Variants in SF3B1 observed in about 807,000 individuals in gnomAD.
SF3B1 encodes splicing factor 3b subunit 1.
A neutral mutation model predicts 153.8 loss-of-function variants in SF3B1; 12 were observed. That is an observed-to-expected ratio of 0.08 (90% CI 0.05 to 0.13). The LOEUF is 0.13. Among genes scored for constraint, SF3B1 ranks in the 10% least tolerant of loss-of-function variants. The pLI is 1.00. For synonymous variants in SF3B1, 498 were observed against 525.2 expected, an observed-to-expected ratio of 0.95 and a Z score of 0.71; for missense variants, 513 against 1,606.1, an observed-to-expected ratio of 0.32 and a Z score of 11.63.
At position 197,393,007 on chromosome 2, in the gene SF3B1, T is replaced by C. The variant is rs769195785; in HGVS notation, c.3721A>G (p.Ile1241Val). Residue 1241 changes from isoleucine to valine, a missense_variant, in exon 24 of 25, where the codon ATT becomes GTT. Around this residue, in one of 21 missense-constraint regions of SF3B1, gnomAD observed 27 missense variants for 126.1 expected, o/e 0.21. Coordinates refer to ENST00000335508, the MANE Select transcript of SF3B1 (RefSeq NM_012433.4). ...MGALEGLRVA[I>V]GPCRMLQYCL... ...TATTGCAACATTCTACATGGTCCAA[T>C]AGCAACTCTCAGGCCCTCTAGGGCT... 7 of 1,612,888 alleles carry C rather than the reference T, an allele frequency of 4.3e-6. No homozygotes were observed. In the South Asian group the frequency reaches 5.5e-5, roughly 13 times the overall value.
intron 23 of SF3B1, among the ~76,000 whole-genome samples, chr2:197,395,234 C>A (rs1253468055): frequency 6.6e-6 from 1 of 152,200 alleles, no homozygotes; most frequent in African/African-American, 2.4e-5. Context: ...GTGATTTACC[C>A]TCATTTTTTT....
intron 8 of SF3B1, 111 bp downstream of exon 8, chr2:197,408,258 T>A: frequency 6.3e-6 from 8 of 1,262,418 alleles, no homozygotes; most frequent in Non-Finnish European, 8.8e-6. Context: ...AATTTGTATA[T>A]CTCCTTATTC....
chr2:197,425,828 T>C (rs2085326894), intron 1 of SF3B1, among the ~76,000 whole-genome samples: 1 of 151,934 alleles, frequency 6.6e-6, no homozygotes, highest in Non-Finnish European at 1.5e-5. Context: ...GGCAAAACCC[T>C]ATCTCTACAA....
intron 4 of SF3B1, 33 bp from the exon 5 acceptor site, chr2:197,418,621 A>C: frequency 1.3e-6 from 2 of 1,594,464 alleles, no homozygotes; most frequent in Non-Finnish European, 1.7e-6. Context: ...GAAAAAGAGT[A>C]CAATAAATAA....
intron 6 of SF3B1, among the ~76,000 whole-genome samples, chr2:197,412,775 G>A (rs1027202703): frequency 4.4e-4 from 66 of 150,054 alleles, no homozygotes; most frequent in African/African-American, 1.5e-3. Flanking sequence ...ACCTGAGGTT[G>A]GGAGTTTGAC....
At position 197,405,430 on chromosome 2, in the gene SF3B1, C is replaced by T; in HGVS notation, c.1282G>A (p.Ala428Thr). The T allele has an allele frequency of 1.9e-6, 3 of 1,613,852 alleles. No homozygotes were observed. The highest frequency in any genetic ancestry group is 1.7e-6 in the Non-Finnish European group (2 of 1,179,898). Residue 428 changes from alanine to threonine, a missense_variant, in exon 10 of 25, where the codon GCT becomes ACT. Coordinates refer to ENST00000335508, the MANE Select transcript of SF3B1 (RefSeq NM_012433.4). Reference sequence around the variant, plus strand: ...GTTGGAGTAGCTGTCAGCTTTCGAGCTGGAGTTCGAATAGGAACATAACCA... The same window carrying T: ...GTTGGAGTAGCTGTCAGCTTTCGAGTTGGAGTTCGAATAGGAACATAACCA... ...PAGYVPIRTP[A>T]RKLTATPTPL...
At chr2:197,416,668 C>A in intron 6 of SF3B1, 73 bp downstream of exon 6, 2 of 1,331,932 alleles carry the variant, frequency 1.5e-6, no homozygotes, top group Non-Finnish European at 2.1e-6. Context: ...CTATGGCAAC[C>A]CAAGCAGACT....
intron 7 of SF3B1, among the ~76,000 whole-genome samples, chr2:197,408,848 G>C (rs1252594781): frequency 6.6e-6 from 1 of 151,978 alleles, no homozygotes; most frequent in African/African-American, 2.4e-5. Context: ...ACTTGAACTG[G>C]GGAGGCAGAG....
Position 197,392,122 on chromosome 2 carries a change from AT to A in SF3B1, c.*180del, listed in dbSNP as rs2084815642. ...CACTGTGTTCTTGGTCACTACTGGCATTTACTGTTTAACATCAAAAACAAAG... is the reference window on the plus strand; with the variant it reads ...CACTGTGTTCTTGGTCACTACTGGCATTACTGTTTAACATCAAAAACAAAG... On this transcript the variant is annotated 3_prime_UTR_variant, in exon 25 of 25. Transcript: ENST00000335508. 6.8e-6 allele frequency: 3 copies of A among 438,030 alleles called. No individual in the cohort carries two copies. Among genetic ancestry groups the A allele is most frequent in the African/African-American group, 6.0e-5 (3 of 49,806 alleles). The allele number at this position is 438,030 out of a possible 1,614,324, so 27.1% of individuals were successfully genotyped here.
intron 9 of SF3B1, among the ~76,000 whole-genome samples, chr2:197,406,563 A>AAGGACGTTGCTTATTAGT (rs1262702520): frequency 6.6e-6 from 1 of 152,166 alleles, no homozygotes; most frequent in Admixed American, 6.6e-5. Flanking sequence ...ATTCACTAGT[A>AAGGACGTTGCTTATTAGT]AGGACGTTGC....
chr2:197,427,459 T>C (rs1467378250), intron 1 of SF3B1, among the ~76,000 whole-genome samples: 1 of 152,230 alleles, frequency 6.6e-6, no homozygotes, highest in Non-Finnish European at 1.5e-5. Context: ...CAGCTTATTA[T>C]GCAATTCAGA....
At chr2:197,429,384 TG>T (rs1403583326) in intron 1 of SF3B1, among the ~76,000 whole-genome samples, 1 of 152,216 alleles carries the variant, frequency 6.6e-6, no homozygotes, top group Non-Finnish European at 1.5e-5. Flanking sequence ...TACTACAGTG[TG>T]TTTATCCATT....
intron 1 of SF3B1, among the ~76,000 whole-genome samples, chr2:197,427,410 G>A (rs961912862): frequency 1.2e-4 from 18 of 152,250 alleles, no homozygotes; most frequent in Admixed American, 9.8e-4. Context: ...TACACCATGT[G>A]ATCCATAAAA....
intron 22 of SF3B1, 70 bp from the exon 23 acceptor site, chr2:197,396,398 T>C: frequency 6.0e-6 from 8 of 1,335,026 alleles, no homozygotes; most frequent in Non-Finnish European, 8.3e-6. Context: ...AAAAAATGCA[T>C]AAAGATGAAA....
Position 197,405,063 on chromosome 2 carries a change from A to C in SF3B1, c.1539+13T>G, listed in dbSNP as rs1463706941. 3 of 1,521,266 alleles carry C rather than the reference A, an allele frequency of 2.0e-6. No individual in the cohort carries two copies. Among genetic ancestry groups the C allele is most frequent in the African/African-American group, 1.4e-5 (1 of 71,734 alleles). 94.2% of individuals were successfully genotyped at this position (1,521,266 alleles called of 1,614,324 possible). ...AAGCAACAAACATGACAATTTAACA[A>C]ACTGGGACTTACCTTTCTCATTGGT... On this transcript the variant is annotated intron_variant, in intron 11 of 24. Transcript: ENST00000335508.
At position 197,392,411 on chromosome 2, in the gene SF3B1, G is replaced by A. The variant is rs2105973734; in HGVS notation, c.3807C>T (p.Tyr1269=). The change falls in exon 25 of 25, where the codon TAC becomes TAT. Residue 1269 remains tyrosine (Y), a synonymous_variant. Coordinates refer to ENST00000335508, the MANE Select transcript of SF3B1 (RefSeq NM_012433.4). ...RKVRDVYWKI[Y]NSIYIGSQDA... is the part of the protein sequence containing the mutation. ...CCTGGGAACCAATGTAGATGGAGTT[G>A]TAAATTTTCCAATATACATCTCTGA... 1 of 1,612,728 alleles carries A rather than the reference G, an allele frequency of 6.2e-7. No individual in the cohort carries two copies. Among genetic ancestry groups the A allele is most frequent in the Admixed American group, 1.7e-5 (1 of 59,956 alleles).
chr2:197,399,109 T>C (rs1482116962), intron 20 of SF3B1: 1 of 1,281,256 alleles, frequency 7.8e-7, no homozygotes, highest in African/African-American at 1.5e-5. Context: ...GCTCTGATTC[T>C]CTCTCCATTG....
chr2:197,410,023 A>G lies in SF3B1; in HGVS notation c.667-16T>C, dbSNP rs758328669. The G allele has an allele frequency of 1.3e-6, 2 of 1,544,740 alleles. No homozygotes were observed. Among genetic ancestry groups the G allele is most frequent in the Non-Finnish European group, 1.8e-6 (2 of 1,130,636 alleles). On this transcript the variant is annotated splice_polypyrimidine_tract_variant and intron_variant, in intron 6 of 24. Transcript: ENST00000335508. The stretch of plus-strand genomic sequence containing the variant: ...GCCCAGGGGTCTTAAAAAAGCAAAA[A>G]AATTTTATTTCACACACCCACACAG...
chr2:197,424,493 CA>C (rs11344645), intron 1 of SF3B1, among the ~76,000 whole-genome samples: 35,647 of 105,110 alleles, frequency 0.34, 4,898 homozygotes, highest in African/African-American at 0.49. Flanking sequence ...CTCTATCTCT[CA>C]AAAAAAAAAA....
Sources: gnomAD v4.1 joint callset for allele counts (sites outside exome capture counted in the v4.1 genomes callset) on GRCh38, gnomAD v4.1.1 for gene constraint, gnomAD v4.1.1 regional missense constraint, MANE v1.5 for transcripts, NCBI Gene and HGNC (gene_info 2026-07-23, HGNC 2026-07-21) for gene names.